CNTNAP2: variants seen among roughly 807,000 people sequenced by gnomAD.
CNTNAP2 encodes the protein contactin associated protein 2, also known as contactin-associated protein-like 2.
CNTNAP2 carries 98 observed loss-of-function variants against 155.2 expected under a neutral mutation model. That is an observed-to-expected ratio of 0.63 (90% confidence interval 0.54 to 0.75). CNTNAP2 has a LOEUF of 0.75. CNTNAP2 is among the 30% of genes least tolerant of loss of function. The probability of loss-of-function intolerance (pLI) is 0.00; values close to 1 mark genes in which losing one functional copy is unlikely to be tolerated. For missense variants in CNTNAP2, 1,727 were observed against 1,688.1 expected, an observed-to-expected ratio of 1.02 and a Z score of -0.40; for synonymous variants, 651 against 631.2, an observed-to-expected ratio of 1.03 and a Z score of -0.47.
At chr7:147,627,231 G>C (rs544843120) in intron 12 of CNTNAP2, among the ~76,000 whole-genome samples, 1 of 152,262 alleles carries the variant, frequency 6.6e-6, no homozygotes, top group African/African-American at 2.4e-5. Context: ...AACCAGAAAA[G>C]TAATTCTGGT....
chr7:146,916,695 G>C (rs1796401453), intron 3 of CNTNAP2, among the ~76,000 whole-genome samples: 1 of 151,644 alleles, frequency 6.6e-6, no homozygotes, highest in African/African-American at 2.4e-5. Context: ...GAGCTTATTT[G>C]GATCTTTTCT....
chr7:146,405,407 G>T (rs114013714), intron 1 of CNTNAP2, among the ~76,000 whole-genome samples: 2,305 of 152,256 alleles, frequency 0.015, 55 homozygotes, highest in African/African-American at 0.051. Context: ...TTTGTTAAAT[G>T]AATGCATGTT....
intron 1 of CNTNAP2, among the ~76,000 whole-genome samples, chr7:146,403,963 A>G (rs1003033679): frequency 6.6e-6 from 1 of 151,450 alleles, no homozygotes; most frequent in Admixed American, 6.6e-5. Context: ...GTCTCTACTA[A>G]AAATACAAAA....
At chr7:147,887,479 T>C (rs2538977) in intron 13 of CNTNAP2, among the ~76,000 whole-genome samples, 86,634 of 151,980 alleles carry the variant, frequency 0.57, 25,279 homozygotes, top group African/African-American at 0.69. Context: ...CTCAAAAAAA[T>C]TAAAAATAAA....
chr7:148,142,340 C>T (rs950495565), intron 16 of CNTNAP2, among the ~76,000 whole-genome samples: 1 of 151,952 alleles, frequency 6.6e-6, no homozygotes, highest in East Asian at 1.9e-4. Flanking sequence ...ATGACCCTTT[C>T]GTGTTAAATA....
intron 8 of CNTNAP2, among the ~76,000 whole-genome samples, chr7:147,263,899 G>A (rs920387306): frequency 3.9e-5 from 6 of 152,178 alleles, no homozygotes; most frequent in Admixed American, 2.6e-4. Flanking sequence ...AAAGCAAGAC[G>A]TATAGGGGAA....
intron 13 of CNTNAP2, among the ~76,000 whole-genome samples, chr7:147,879,463 A>AT (rs71661733): frequency 0.047 from 7,063 of 148,702 alleles, 475 homozygotes; most frequent in African/African-American, 0.15. Context: ...AAAGATGGAA[A>AT]TTTTTTTTTT....
intron 1 of CNTNAP2, among the ~76,000 whole-genome samples, chr7:146,199,856 G>T (rs560979878): frequency 6.6e-6 from 1 of 152,214 alleles, no homozygotes; most frequent in Admixed American, 6.5e-5. Flanking sequence ...AAGATCATGA[G>T]CTGAAATTTT....
At chr7:146,761,328 A>G (rs1336191232) in intron 1 of CNTNAP2, among the ~76,000 whole-genome samples, 1 of 146,904 alleles carries the variant, frequency 6.8e-6, no homozygotes, top group African/African-American at 2.6e-5. Flanking sequence ...GAAGGAAGGA[A>G]GGAAGGAAAA....
intron 1 of CNTNAP2, among the ~76,000 whole-genome samples, chr7:146,190,602 T>C (rs1798688968): frequency 6.6e-6 from 1 of 152,096 alleles, no homozygotes; most frequent in African/African-American, 2.4e-5. Flanking sequence ...CGCCTTACAA[T>C]CAGGATTGAT....
intron 11 of CNTNAP2, among the ~76,000 whole-genome samples, chr7:147,558,697 T>TTTCCTTCCTTCCTTCCTTCC (rs151097268): frequency 6.0e-5 from 9 of 148,812 alleles, no homozygotes; most frequent in East Asian, 4.0e-4. Context: ...TCGTTCGTTC[T>TTTCCTTCCTTCCTTCCTTCC]TTCCTTCCTT....
intron 3 of CNTNAP2, among the ~76,000 whole-genome samples, chr7:146,913,149 T>C (rs975195452): frequency 2.6e-5 from 4 of 152,178 alleles, no homozygotes; most frequent in African/African-American, 9.7e-5. Context: ...AATTATGCTT[T>C]AGAAGGCAAA....
At chr7:146,759,133 TTAAAC>T (rs1474182205) in intron 1 of CNTNAP2, among the ~76,000 whole-genome samples, 5 of 152,172 alleles carry the variant, frequency 3.3e-5, no homozygotes, top group Non-Finnish European at 7.3e-5. Flanking sequence ...TATTTAGAAA[TTAAAC>T]ATTATCAATA....
In CNTNAP2 at chr7:146,770,306, ATG is replaced by A. The variant is rs200562812; in HGVS notation, c.98-3957_98-3956del. On this transcript the variant is annotated intron_variant, in intron 1 of 23. Transcript: ENST00000361727. Reference sequence around the variant, plus strand: ...TAGCGAAATGGAATTATATATATATATGTGTGTGTATACACACACACACACAC... The same window carrying A: ...TAGCGAAATGGAATTATATATATATATGTGTGTATACACACACACACACAC... Among the ~76,000 whole-genome samples, 1,103 of 139,492 alleles carry A rather than the reference ATG, an allele frequency of 7.9e-3. 13 individuals carry two copies. Among genetic ancestry groups the A allele is most frequent in the African/African-American group, 0.027 (971 of 35,372 alleles). 91.5% of individuals were successfully genotyped at this position (139,492 alleles called of 152,430 possible). A position where few individuals can be genotyped will look rare whatever the true frequency, so the allele number is the denominator to read the frequency against.
intron 1 of CNTNAP2, among the ~76,000 whole-genome samples, chr7:146,451,272 G>T (rs955227684): frequency 6.6e-6 from 1 of 152,062 alleles, no homozygotes; most frequent in Non-Finnish European, 1.5e-5. Context: ...CTAAATAATT[G>T]TAATTGGTCA....
chr7:148,013,999 A>C (rs1379831646), intron 15 of CNTNAP2: 2 of 152,208 alleles, frequency 1.3e-5, no homozygotes, highest in African/African-American at 4.8e-5. Flanking sequence ...TCAGAAATAT[A>C]TGTAATAATG....
At chr7:147,520,050 G>A (rs1376782363) in intron 11 of CNTNAP2, among the ~76,000 whole-genome samples, 1 of 152,048 alleles carries the variant, frequency 6.6e-6, no homozygotes, top group Non-Finnish European at 1.5e-5. Context: ...TGAAAGCTTT[G>A]GAAGGCTTCT....
chr7:146,117,705 T>TG, intron 1 of CNTNAP2, among the ~76,000 whole-genome samples: 1 of 152,062 alleles, frequency 6.6e-6, no homozygotes, highest in East Asian at 1.9e-4. Flanking sequence ...TGTGTGTGTG[T>TG]TTGTGTGTGT....
At chr7:147,583,580 A>C (rs1800559317) in intron 12 of CNTNAP2, among the ~76,000 whole-genome samples, 1 of 148,908 alleles carries the variant, frequency 6.7e-6, no homozygotes, top group Non-Finnish European at 1.5e-5. Context: ...AAATCAATCC[A>C]TCTCATATAG....
Sources: gnomAD v4.1 joint callset for allele counts (sites outside exome capture counted in the v4.1 genomes callset) on GRCh38, gnomAD v4.1.1 for gene constraint, MANE v1.5 for transcripts, NCBI Gene and HGNC (gene_info 2026-07-23, HGNC 2026-07-21) for gene names.